Variants in PARD3B observed in about 807,000 individuals in gnomAD.
The protein encoded by PARD3B is partitioning defective 3 homolog B.
Under a neutral mutation model 130.2 loss-of-function variants are expected in PARD3B, and 103 were observed. The observed-to-expected ratio is 0.79, with a 90% CI of 0.67 to 0.93. PARD3B has a LOEUF of 0.93. Ranked by LOEUF, PARD3B falls within the 40% of genes least tolerant of loss-of-function variation. The probability of loss-of-function intolerance (pLI) is 0.00; values close to 1 mark genes in which losing one functional copy is unlikely to be tolerated. For missense variants in PARD3B, 1,609 were observed against 1,499.2 expected (o/e 1.07, Z -1.21); for synonymous variants, 583 against 553.2 (o/e 1.05, Z -0.76).
chr2:205,221,885 A>G (rs12621705), intron 15 of PARD3B, among the ~76,000 whole-genome samples: 1 of 152,162 alleles, frequency 6.6e-6, no homozygotes, highest in African/African-American at 2.4e-5. Context: ...GAGAGTATCA[A>G]CAATTATTTT....
At chr2:205,500,774 G>A (rs747322617) in intron 21 of PARD3B, among the ~76,000 whole-genome samples, 1 of 152,210 alleles carries the variant, frequency 6.6e-6, no homozygotes, top group Non-Finnish European at 1.5e-5. Context: ...TAGAGCTGGT[G>A]CTCAGTAATT....
intron 4 of PARD3B, among the ~76,000 whole-genome samples, chr2:205,097,522 T>C (rs1441556679): frequency 2.6e-5 from 4 of 152,166 alleles, no homozygotes; most frequent in African/African-American, 9.6e-5. Flanking sequence ...CTCAGATCTG[T>C]ACTAGCTACT....
chr2:204,677,697 T>C lies in PARD3B; in HGVS notation c.121-8484T>C, dbSNP rs1157250659. Among the ~76,000 whole-genome samples, 3 of 152,212 alleles carry C rather than the reference T, an allele frequency of 2.0e-5. No homozygotes were observed. Among genetic ancestry groups the C allele is most frequent in the East Asian group, 3.9e-4 (2 of 5,192 alleles). On this transcript the variant is annotated intron_variant, in intron 1 of 22. Coordinates refer to ENST00000406610, the MANE Select transcript of PARD3B (RefSeq NM_001302769.2). This position sits in a 1 kb window ranked among gnomAD's most constrained non-coding sequence, Gnocchi z 4.1. ...TCATAGCCTAAGATGGTAATAATAA[T>C]ATTTTTAGCAGACTCATCACTGTTG...
intron 3 of PARD3B, among the ~76,000 whole-genome samples, chr2:205,042,791 A>G (rs181906123): frequency 1.3e-5 from 2 of 151,776 alleles, no homozygotes; most frequent in Non-Finnish European, 2.9e-5. Context: ...TTGAGAGTGG[A>G]TGAACACCAT....
At chr2:204,881,959 G>C (rs2046069385) in intron 2 of PARD3B, among the ~76,000 whole-genome samples, 1 of 152,148 alleles carries the variant, frequency 6.6e-6, no homozygotes, top group South Asian at 2.1e-4. Context: ...CTTTTAGAGG[G>C]TCTGGAGATA....
intron 18 of PARD3B, among the ~76,000 whole-genome samples, chr2:205,340,477 C>A (rs1606238): frequency 0.59 from 90,366 of 151,902 alleles, 30,563 homozygotes; most frequent in South Asian, 0.77. Flanking sequence ...TTTTCAACAA[C>A]GGCATCAATA....
rs756073275 is a variant in PARD3B, at chr2:205,125,641, G to A, written c.1338G>A (p.Gln446=). Residue 446 remains glutamine (Q), a synonymous_variant, in exon 10 of 23, where the codon CAG becomes CAA. Transcript: ENST00000406610. This position sits in a 1 kb window ranked among gnomAD's most constrained non-coding sequence, Gnocchi z 4.0. ...VNGRDVTGRT[Q]EELVAMLRST... ...GGAGAGATGTCACCGGACGAACCCA[G>A]GAAGAGCTTGTGGCCATGCTCAGGA... is the stretch of plus-strand genomic sequence containing the variant. 4 of 1,613,982 alleles carry A rather than the reference G, an allele frequency of 2.5e-6. No homozygotes were observed. In the Admixed American group the frequency reaches 6.7e-5, roughly 27 times the overall value.
chr2:205,234,953 G>C (rs2038997683), intron 15 of PARD3B, among the ~76,000 whole-genome samples: 1 of 151,948 alleles, frequency 6.6e-6, no homozygotes, highest in Non-Finnish European at 1.5e-5. Flanking sequence ...GATCAAAGAA[G>C]GAAGCCAGAG....
rs1689052503 is a variant in PARD3B at position 204,943,194 on chromosome 2, G to A, written c.223-21958G>A. On this transcript the variant is annotated intron_variant, in intron 2 of 22. Coordinates refer to ENST00000406610, the MANE Select transcript of PARD3B (RefSeq NM_001302769.2). The surrounding 1 kb of genome is among the most constrained non-coding windows in gnomAD (Gnocchi z 4.2). ...TGTGTATGCATATATATATATGTGT[G>A]TGTATATATATATAATATGTTAATT... 6.6e-6 allele frequency among the ~76,000 whole-genome samples: 1 copy of A among 151,992 alleles called. No homozygotes were observed. The highest frequency in any genetic ancestry group is 1.5e-5 in the Non-Finnish European group (1 of 68,000).
intron 18 of PARD3B, among the ~76,000 whole-genome samples, chr2:205,363,111 G>C (rs543166347): frequency 2.6e-5 from 4 of 152,284 alleles, no homozygotes; most frequent in African/African-American, 9.6e-5. Flanking sequence ...GTATTAAAAT[G>C]CTGTGTTCTC....
intron 15 of PARD3B, among the ~76,000 whole-genome samples, chr2:205,207,545 G>C (rs1329663043): frequency 7.1e-6 from 1 of 141,738 alleles, no homozygotes; most frequent in East Asian, 2.0e-4. Context: ...TATCACCACC[G>C]ATCCCACAGA....
chr2:204,902,224 T>C (rs916871027), intron 2 of PARD3B, among the ~76,000 whole-genome samples: 2 of 152,186 alleles, frequency 1.3e-5, no homozygotes, highest in Admixed American at 1.3e-4. Flanking sequence ...TGTTGGAAAT[T>C]TAAGGTTTGC....
chr2:205,036,953 A>G (rs1436303263), intron 3 of PARD3B, among the ~76,000 whole-genome samples: 1 of 150,842 alleles, frequency 6.6e-6, no homozygotes, highest in East Asian at 1.9e-4. Flanking sequence ...GTATATATAA[A>G]GAACATATAT....
At chr2:205,252,745 A>G (rs2039903305) in intron 16 of PARD3B, among the ~76,000 whole-genome samples, 1 of 150,366 alleles carries the variant, frequency 6.7e-6, no homozygotes, top group South Asian at 2.1e-4. Context: ...GTACCATTTT[A>G]TCCTGTAGGC....
At chr2:204,886,636 G>T (rs1189099689) in intron 2 of PARD3B, among the ~76,000 whole-genome samples, 1 of 152,082 alleles carries the variant, frequency 6.6e-6, no homozygotes, top group African/African-American at 2.4e-5. Flanking sequence ...GCAGAATATA[G>T]AAATTAAAAA....
intron 18 of PARD3B, among the ~76,000 whole-genome samples, chr2:205,329,727 A>T (rs1056665271): frequency 2.6e-5 from 4 of 152,180 alleles, no homozygotes; most frequent in Non-Finnish European, 5.9e-5. Flanking sequence ...ACAGTGTCTC[A>T]TATCTGTAAT....
chr2:205,614,717 TAA>T (rs557171777), intron 22 of PARD3B, among the ~76,000 whole-genome samples: 2 of 138,546 alleles, frequency 1.4e-5, no homozygotes. Flanking sequence ...AAAAAAAAAT[TAA>T]AAAAAAAAAA....
chr2:204,980,707 T>C (rs78876419), intron 3 of PARD3B, among the ~76,000 whole-genome samples: 4,153 of 152,202 alleles, frequency 0.027, 101 homozygotes, highest in Middle Eastern at 0.058. Flanking sequence ...CAAGCCCAAA[T>C]TGAGGAACAT....
intron 22 of PARD3B, among the ~76,000 whole-genome samples, chr2:205,611,744 G>T (rs1046157662): frequency 1.3e-5 from 2 of 152,120 alleles, no homozygotes; most frequent in East Asian, 1.9e-4. Context: ...ACAAATATGG[G>T]CTTGTTTCTC....
Sources: gnomAD v4.1 joint callset for allele counts (sites outside exome capture counted in the v4.1 genomes callset) on GRCh38, gnomAD v4.1.1 for gene constraint, Gnocchi (gnomAD v3.1) non-coding constraint, MANE v1.5 for transcripts, NCBI Gene and HGNC (gene_info 2026-07-23, HGNC 2026-07-21) for gene names.